CDH18: variants seen among roughly 807,000 people sequenced by gnomAD.
The protein encoded by CDH18 is cadherin-18.
Under a neutral mutation model 67.9 loss-of-function variants are expected in CDH18, and 31 were observed. That is an observed-to-expected ratio of 0.46 (90% CI 0.34 to 0.62). The LOEUF is 0.62. Ranked by LOEUF, CDH18 falls within the 20% of genes least tolerant of loss-of-function variation. CDH18 has a pLI of 0.01. For missense variants in CDH18, 890 were observed against 975.5 expected, an observed-to-expected ratio of 0.91 and a Z score of 1.17; for synonymous variants, 362 against 347.2, an observed-to-expected ratio of 1.04 and a Z score of -0.48.
chr5:19,904,975 T>TG (rs1790380794), intron 2 of CDH18, among the ~76,000 whole-genome samples: 1 of 152,172 alleles, frequency 6.6e-6, no homozygotes, highest in Non-Finnish European at 1.5e-5. Context: ...ATGGGATTTA[T>TG]GAGGATCTTG....
chr5:19,777,479 AAAT>A (rs1309451284), intron 3 of CDH18, among the ~76,000 whole-genome samples: 2 of 152,186 alleles, frequency 1.3e-5, no homozygotes, highest in East Asian at 3.9e-4. Context: ...CAAACTGTCT[AAAT>A]AACCTGAGAC....
chr5:19,598,041 T>C (rs1212324819), intron 6 of CDH18, among the ~76,000 whole-genome samples: 1 of 152,150 alleles, frequency 6.6e-6, no homozygotes, highest in African/African-American at 2.4e-5. Flanking sequence ...CAAATGAATT[T>C]TACTTTACAT....
intron 1 of CDH18, among the ~76,000 whole-genome samples, chr5:20,462,635 C>A (rs569295377): frequency 1.3e-5 from 2 of 152,184 alleles, no homozygotes; most frequent in East Asian, 3.9e-4. Flanking sequence ...TATTATATAT[C>A]AAAATATTTT....
At position 20,037,689 on chromosome 5, in the gene CDH18, G is replaced by A. The variant is rs146569061; in HGVS notation, c.-517-45675C>T. The stretch of plus-strand genomic sequence containing the variant: ...AGACACAACATACCAGAATCTCTGC[G>A]ACACAGCTAAAGCAGTGTTTAGATG... On this transcript the variant is annotated intron_variant, in intron 2 of 14. Transcript: ENST00000507958. 3.3e-3 allele frequency among the ~76,000 whole-genome samples: 498 copies of A among 152,194 alleles called. 2 individuals carry two copies. The highest frequency in any genetic ancestry group is 0.011 in the African/African-American group (475 of 41,530).
At chr5:19,667,527 CACAT>C (rs1758142530) in intron 5 of CDH18, among the ~76,000 whole-genome samples, 1 of 150,086 alleles carries the variant, frequency 6.7e-6, no homozygotes, top group Non-Finnish European at 1.5e-5. Flanking sequence ...CACACACACA[CACAT>C]ACACACACAT....
intron 2 of CDH18, among the ~76,000 whole-genome samples, chr5:19,857,561 T>C (rs13185278): frequency 0.36 from 54,362 of 151,978 alleles, 11,366 homozygotes; most frequent in Middle Eastern, 0.56. Flanking sequence ...CTTGGTAGAA[T>C]GTTAACAAAA....
At chr5:20,296,252 T>G (rs994857400) in intron 1 of CDH18, among the ~76,000 whole-genome samples, 2 of 151,164 alleles carry the variant, frequency 1.3e-5, no homozygotes, top group African/African-American at 4.9e-5. Context: ...TTGTTTGTTT[T>G]TGTTTTTTGT....
intron 2 of CDH18, among the ~76,000 whole-genome samples, chr5:19,896,185 C>A (rs1579475794): frequency 6.6e-6 from 1 of 151,926 alleles, no homozygotes; most frequent in African/African-American, 2.4e-5. Flanking sequence ...GGTGAAACCC[C>A]TTCTCTACTA....
chr5:19,967,317 G>A (rs1417436401), intron 2 of CDH18, among the ~76,000 whole-genome samples: 1 of 151,976 alleles, frequency 6.6e-6, no homozygotes, highest in Non-Finnish European at 1.5e-5. Context: ...AAGAAATCAT[G>A]GTGATTCCAA....
chr5:20,307,488 A>T (rs959625201), intron 1 of CDH18, among the ~76,000 whole-genome samples: 2 of 152,214 alleles, frequency 1.3e-5, no homozygotes, highest in African/African-American at 4.8e-5. Flanking sequence ...TAAACTCTAA[A>T]CAATATGAAT....
At chr5:20,402,022 C>T (rs1313937567) in intron 1 of CDH18, among the ~76,000 whole-genome samples, 1 of 152,156 alleles carries the variant, frequency 6.6e-6, no homozygotes, top group East Asian at 1.9e-4. Context: ...CTCTTTTTAT[C>T]AACTCACTCT....
At chr5:19,642,464 T>TA (rs139869014) in intron 5 of CDH18, among the ~76,000 whole-genome samples, 279 of 152,036 alleles carry the variant, frequency 1.8e-3, no homozygotes, top group Non-Finnish European at 3.4e-3. Context: ...CCATAATACT[T>TA]AAACAAAAAC....
intron 3 of CDH18, among the ~76,000 whole-genome samples, chr5:19,759,797 GTGGGGGC>G (rs1772102698): frequency 6.6e-6 from 1 of 152,144 alleles, no homozygotes; most frequent in South Asian, 2.1e-4. Context: ...CGGAAATGTA[GTGGGGGC>G]CCTACATTAG....
intron 1 of CDH18, among the ~76,000 whole-genome samples, chr5:20,369,185 T>G (rs1248278729): frequency 2.0e-5 from 3 of 152,126 alleles, no homozygotes. Context: ...TTTTAAACTC[T>G]AATGTAGGCT....
intron 10 of CDH18, among the ~76,000 whole-genome samples, chr5:19,515,255 A>G (rs190681717): frequency 9.9e-4 from 150 of 152,234 alleles, no homozygotes; most frequent in African/African-American, 3.4e-3. Context: ...GTAGCCTTGT[A>G]GTATAGTTTG....
chr5:19,731,134 G>T (rs943654346), intron 4 of CDH18, among the ~76,000 whole-genome samples: 1 of 152,020 alleles, frequency 6.6e-6, no homozygotes, highest in Non-Finnish European at 1.5e-5. Flanking sequence ...CATCATATAG[G>T]CACTTCTCTT....
chr5:20,270,718 G>C (rs1745372592), intron 1 of CDH18, among the ~76,000 whole-genome samples: 1 of 152,080 alleles, frequency 6.6e-6, no homozygotes, highest in African/African-American at 2.4e-5. Context: ...CAATAGCTAA[G>C]ACATGGAATC....
chr5:19,822,102 CA>C (rs1779934795), intron 3 of CDH18, among the ~76,000 whole-genome samples: 1 of 152,168 alleles, frequency 6.6e-6, no homozygotes. Context: ...ATCAAAACTT[CA>C]CCTTGAATGT....
intron 3 of CDH18, among the ~76,000 whole-genome samples, chr5:19,801,912 T>C (rs1777514534): frequency 6.6e-6 from 1 of 152,196 alleles, no homozygotes; most frequent in Non-Finnish European, 1.5e-5. Context: ...TGTAATTAGA[T>C]ATTATTTTGC....
Sources: allele counts gnomAD v4.1 joint callset (sites outside exome capture counted in the v4.1 genomes callset), GRCh38; gene constraint gnomAD v4.1.1; transcripts MANE v1.5; gene names NCBI Gene and HGNC (gene_info 2026-07-23, HGNC 2026-07-21).